Variants in ASTN2 observed in about 807,000 individuals in gnomAD.
The protein encoded by ASTN2 is astrotactin-2.
A neutral mutation model predicts 139.8 loss-of-function variants in ASTN2; 54 were observed. The ratio of observed to expected loss-of-function variants is 0.39; its 90% CI spans 0.31 to 0.48. The LOEUF (loss-of-function observed/expected upper bound fraction) is 0.48, where lower values mean the gene tolerates loss of function less well. Among genes scored for constraint, ASTN2 ranks in the 20% least tolerant of loss-of-function variants. The pLI is 0.95. For missense variants in ASTN2, 1,565 were observed against 1,725.1 expected (o/e 0.91, Z 1.64); for synonymous variants, 756 against 719.5 (o/e 1.05, Z -0.81).
chr9:116,652,637 G>A (rs988187076), intron 16 of ASTN2, among the ~76,000 whole-genome samples: 3 of 152,140 alleles, frequency 2.0e-5, no homozygotes, highest in South Asian at 4.1e-4. Flanking sequence ...CAGTATCCAA[G>A]TGACTCCAAT....
chr9:117,153,448 G>T (rs536056639), intron 3 of ASTN2, among the ~76,000 whole-genome samples: 4 of 152,080 alleles, frequency 2.6e-5, no homozygotes, highest in South Asian at 2.1e-4. Context: ...ATAGTTGTTT[G>T]TTACGTAGCA....
At chr9:116,765,832 C>T (rs560001689) in intron 13 of ASTN2, among the ~76,000 whole-genome samples, 44 of 152,134 alleles carry the variant, frequency 2.9e-4, no homozygotes, top group African/African-American at 1.1e-3. Context: ...GAAGGAAGTC[C>T]ACTAAAATAT....
intron 10 of ASTN2, among the ~76,000 whole-genome samples, chr9:116,971,908 CAAGT>C (rs1000215894): frequency 6.6e-6 from 1 of 152,150 alleles, no homozygotes; most frequent in Admixed American, 6.5e-5. Context: ...CTGCAGCAAG[CAAGT>C]GATGGAGTTA....
rs138023171 is a variant in ASTN2, at chr9:117,229,972, T to C, written c.631-15230A>G. On this transcript the variant is annotated intron_variant, in intron 2 of 22. Transcript: ENST00000313400. ...GCAATTCATGAGAATTTCACGAGGG[T>C]AGGAGATTGAGAAACATAGTGAAAC... is the stretch of plus-strand genomic sequence containing the variant. 6.1e-4 allele frequency among the ~76,000 whole-genome samples: 92 copies of C among 151,756 alleles called. No homozygotes were observed. In the Middle Eastern group the frequency reaches 0.01, roughly 17 times the overall value.
intron 19 of ASTN2, among the ~76,000 whole-genome samples, chr9:116,576,424 C>T (rs1853724009): frequency 6.6e-6 from 1 of 152,128 alleles, no homozygotes; most frequent in African/African-American, 2.4e-5. Context: ...ACCACCCAAG[C>T]CCATAGTATT....
At chr9:116,628,970 A>G (rs1237490801) in intron 17 of ASTN2, among the ~76,000 whole-genome samples, 2 of 152,190 alleles carry the variant, frequency 1.3e-5, no homozygotes, top group African/African-American at 2.4e-5. Context: ...GTTTTTGAAG[A>G]AAGAGAGGAG....
intron 7 of ASTN2, among the ~76,000 whole-genome samples, chr9:116,999,094 T>A (rs1250182628): frequency 6.6e-6 from 1 of 152,202 alleles, no homozygotes; most frequent in East Asian, 1.9e-4. Context: ...CTGAATGTAA[T>A]GGTGAACATG....
chr9:117,393,575 C>T (rs2130948869), intron 1 of ASTN2, among the ~76,000 whole-genome samples: 1 of 152,318 alleles, frequency 6.6e-6, no homozygotes, highest in East Asian at 1.9e-4. Context: ...TGCCATCACT[C>T]ACACGGGACA....
chr9:117,289,910 G>C (rs1834544974), intron 2 of ASTN2, among the ~76,000 whole-genome samples: 1 of 152,182 alleles, frequency 6.6e-6, no homozygotes, highest in Admixed American at 6.5e-5. Context: ...GTCTGGCTGG[G>C]GAGTGTATGT....
intron 11 of ASTN2, among the ~76,000 whole-genome samples, chr9:116,839,881 ATTT>A (rs71502081): frequency 2.4e-4 from 31 of 127,962 alleles, no homozygotes; most frequent in South Asian, 5.1e-4. Flanking sequence ...TATTATTATT[ATTT>A]TTTTTTTTTT....
intron 5 of ASTN2, among the ~76,000 whole-genome samples, chr9:117,094,332 T>C (rs1204379255): frequency 6.6e-6 from 1 of 151,970 alleles, no homozygotes; most frequent in African/African-American, 2.4e-5. Flanking sequence ...TCGAGGCCTG[T>C]AGCTTGCTTT....
chr9:116,523,939 A>T (rs1428681581), intron 19 of ASTN2, among the ~76,000 whole-genome samples: 1 of 152,222 alleles, frequency 6.6e-6, no homozygotes, highest in African/African-American at 2.4e-5. Flanking sequence ...CAGGGGTTAC[A>T]GATGCATGGA....
chr9:116,559,114 T>C (rs926825536), intron 19 of ASTN2, among the ~76,000 whole-genome samples: 1 of 152,210 alleles, frequency 6.6e-6, no homozygotes, highest in Non-Finnish European at 1.5e-5. Context: ...ACTTGCCTCC[T>C]GGTGAAGCCT....
intron 11 of ASTN2, among the ~76,000 whole-genome samples, chr9:116,824,610 G>C (rs1169136429): frequency 6.6e-6 from 1 of 152,170 alleles, no homozygotes; most frequent in Admixed American, 6.5e-5. Context: ...ACTTTGTAGA[G>C]GTAGGCCAGA....
chr9:117,372,331 C>A (rs1158170001), intron 1 of ASTN2, among the ~76,000 whole-genome samples: 5 of 152,146 alleles, frequency 3.3e-5, no homozygotes, highest in Non-Finnish European at 4.4e-5. Context: ...AGTCAATGAT[C>A]AGTCAGATAT....
At chr9:116,818,260 T>C (rs1302386471) in intron 12 of ASTN2, among the ~76,000 whole-genome samples, 4 of 152,362 alleles carry the variant, frequency 2.6e-5, no homozygotes, top group Admixed American at 6.5e-5. Flanking sequence ...AGGAAGGTCA[T>C]AGAGCTTTGA....
At chr9:116,846,892 G>C (rs1024795364) in intron 11 of ASTN2, among the ~76,000 whole-genome samples, 2 of 151,104 alleles carry the variant, frequency 1.3e-5, no homozygotes, top group African/African-American at 4.9e-5. Flanking sequence ...AAAATGGCTG[G>C]TCAACCTTTT....
At chr9:116,858,983 G>T (rs972925202) in intron 11 of ASTN2, among the ~76,000 whole-genome samples, 26 of 152,096 alleles carry the variant, frequency 1.7e-4, no homozygotes, top group African/African-American at 6.3e-4. Context: ...TTAGGTGTTG[G>T]CAGGGTTGCA....
At chr9:116,848,360 C>T (rs1289955615) in intron 11 of ASTN2, among the ~76,000 whole-genome samples, 1 of 152,168 alleles carries the variant, frequency 6.6e-6, no homozygotes, top group African/African-American at 2.4e-5. Context: ...GGGAAAATAG[C>T]TTATTGTGAC....
Sources: gnomAD v4.1 joint callset for allele counts (sites outside exome capture counted in the v4.1 genomes callset) on GRCh38, gnomAD v4.1.1 for gene constraint, MANE v1.5 for transcripts, NCBI Gene and HGNC (gene_info 2026-07-23, HGNC 2026-07-21) for gene names.